LAIR1: variants seen among roughly 807,000 people sequenced by gnomAD.
LAIR1 encodes leukocyte-associated immunoglobulin-like receptor 1.
LAIR1 carries 24 observed loss-of-function variants against 32.8 expected under a neutral mutation model. The observed-to-expected ratio is 0.73, with a 90% CI of 0.53 to 1.03. LAIR1 has a LOEUF of 1.03. Among genes scored for constraint, LAIR1 ranks in the 50% least tolerant of loss-of-function variants. The probability of loss-of-function intolerance (pLI) is 0.00; values close to 1 mark genes in which losing one functional copy is unlikely to be tolerated. For missense variants in LAIR1, 355 were observed against 347.5 expected (o/e 1.02, Z -0.17); for synonymous variants, 150 against 140.5 (o/e 1.07, Z -0.48).
Position 54,355,955 on chromosome 19 carries a change from G to T in LAIR1, c.716C>A (p.Ser239Ter), listed in dbSNP as rs570552453. ...TTAATAACTAGTAGGAAGGCTCACC[G>T]AGGTGTCCGTCTCTCTGTCCTTCTC... Reference protein sequence around the residue: ...LPEKDRETDTSALAAGSSQEV... With the variant: ...LPEKDRETDT Residue 239 changes from serine to a stop codon, truncating the protein, a stop_gained and splice_region_variant, in exon 9 of 10, where the codon TCG becomes TAG. Coordinates refer to ENST00000391742, the MANE Select transcript of LAIR1 (RefSeq NM_002287.6). LOFTEE classifies it low-confidence loss of function (END_TRUNC). This position sits in a 1 kb window ranked among gnomAD's most constrained non-coding sequence, Gnocchi z 4.7. 2 of 1,594,366 alleles carry T rather than the reference G, an allele frequency of 1.3e-6. No homozygotes were observed. The highest frequency in any genetic ancestry group is 1.1e-5 in the South Asian group (1 of 90,768).
chr19:54,372,183 A>T (rs2082421280), upstream of LAIR1, among the ~76,000 whole-genome samples: 1 of 151,614 alleles, frequency 6.6e-6, no homozygotes, highest in Non-Finnish European at 1.5e-5. Flanking sequence ...AGCTATATTT[A>T]GTTTTAGAAG....
At chr19:54,366,314 C>T (rs78271595), upstream of LAIR1, among the ~76,000 whole-genome samples, 2,278 of 152,146 alleles carry the variant, frequency 0.015, 28 homozygotes, top group Non-Finnish European at 0.021. Flanking sequence ...ATGGTTGTGA[C>T]CAAAATGCTG....
chr19:54,362,316 C>A (rs936897486), intron 2 of LAIR1, among the ~76,000 whole-genome samples: 3 of 152,172 alleles, frequency 2.0e-5, no homozygotes, highest in Non-Finnish European at 4.4e-5. Context: ...CAAACCCACC[C>A]ATTTGTTCAT....
At chr19:54,374,897 C>G (rs61737640), upstream of LAIR1, among the ~76,000 whole-genome samples, 845 of 151,880 alleles carry the variant, frequency 5.6e-3, 8 homozygotes, top group African/African-American at 0.019. Context: ...CCACTGTCCT[C>G]AGCCCAGCCC....
chr19:54,375,949 G>A, the LAIR1 span, among the ~76,000 whole-genome samples: 7 of 151,704 alleles, frequency 4.6e-5, no homozygotes, highest in African/African-American at 7.3e-5. Context: ...TGGGTGACAC[G>A]TCCATATGGG....
upstream of LAIR1, chr19:54,368,819 C>T (rs1234811929): frequency 6.6e-6 from 1 of 152,002 alleles, no homozygotes; most frequent in Non-Finnish European, 1.5e-5. Flanking sequence ...TCCTGAGTAG[C>T]TGGGATTACA....
chr19:54,355,492 C>A lies in LAIR1; in HGVS notation c.718-78G>T. On this transcript the variant is annotated intron_variant, in intron 9 of 9. Coordinates refer to ENST00000391742, the MANE Select transcript of LAIR1 (RefSeq NM_002287.6). The surrounding 1 kb of genome is among the most constrained non-coding windows in gnomAD (Gnocchi z 4.7). ...GGGCTGTGGGGAGGGAGGGCTGTGG[C>A]GGCCATCTCCATGGGCCCTGAGGAC... The A allele has an allele frequency of 7.4e-7, 1 of 1,346,086 alleles. No homozygotes were observed. Among genetic ancestry groups the A allele is most frequent in the Admixed American group, 2.4e-5 (1 of 42,280 alleles). 83.4% of individuals were successfully genotyped at this position (1,346,086 alleles called of 1,614,324 possible). A position where few individuals can be genotyped will look rare whatever the true frequency, so the allele number is the denominator to read the frequency against.
At chr19:54,370,657 G>A (rs944786722), upstream of LAIR1, 3 of 207,642 alleles carry the variant, frequency 1.4e-5, no homozygotes, top group East Asian at 1.1e-4. Context: ...CCGCAGGCAC[G>A]GAAATAAACA....
At chr19:54,362,789 T>C (rs1478899831) in intron 2 of LAIR1, among the ~76,000 whole-genome samples, 2 of 152,194 alleles carry the variant, frequency 1.3e-5, no homozygotes, top group East Asian at 1.9e-4. Flanking sequence ...CCCAGCCTCA[T>C]TGGTCATTTT....
chr19:54,361,175 T>C lies in LAIR1; in HGVS notation c.105A>G (p.Pro35=), dbSNP rs761326969. The stretch of plus-strand genomic sequence containing the variant: ...GGCTCCCCAGGGGGATCACGGTGCC[T>C]GGCTCAGCCGAGATGGAGGGTCTGG... ...DLPRPSISAE[P]GTVIPLGSHV... Residue 35 remains proline, a synonymous_variant, in exon 3 of 10, where the codon CCA becomes CCG. Coordinates refer to ENST00000391742, the MANE Select transcript of LAIR1 (RefSeq NM_002287.6). 1 of 1,614,168 alleles carries C rather than the reference T, an allele frequency of 6.2e-7. No individual in the cohort carries two copies. Among genetic ancestry groups the C allele is most frequent in the Non-Finnish European group, 8.5e-7 (1 of 1,180,024 alleles).
At chr19:54,361,379 A>C in intron 2 of LAIR1, 170 bp from the exon 3 acceptor site, 1 of 716,044 alleles carries the variant, frequency 1.4e-6, no homozygotes, top group Non-Finnish European at 2.4e-6. Context: ...TTCTACGTGC[A>C]TGTGATTCTC....
chr19:54,370,569 C>G, upstream of LAIR1: 1 of 334,940 alleles, frequency 3.0e-6, no homozygotes, highest in Non-Finnish European at 5.4e-6. Flanking sequence ...GGGTCAGGAA[C>G]GGAGCAAAAC....
chr19:54,363,470 C>A (rs556957591), intron 2 of LAIR1, among the ~76,000 whole-genome samples: 1 of 152,110 alleles, frequency 6.6e-6, no homozygotes, highest in African/African-American at 2.4e-5. Flanking sequence ...TTGTGGAAAT[C>A]GGTGTGCGGA....
At chr19:54,365,275 G>A (rs2082216595), upstream of LAIR1, among the ~76,000 whole-genome samples, 1 of 152,164 alleles carries the variant, frequency 6.6e-6, no homozygotes, top group Admixed American at 6.5e-5. Flanking sequence ...TGTGATCTAT[G>A]CTAAAATCCC....
chr19:54,373,252 C>T (rs536277212), upstream of LAIR1, among the ~76,000 whole-genome samples: 4 of 151,356 alleles, frequency 2.6e-5, no homozygotes, highest in South Asian at 2.1e-4. Context: ...ACCATCCTGG[C>T]CAACACGGTG....
At chr19:54,361,234 T>A (rs1381210550) in intron 2 of LAIR1, 25 bp from the exon 3 acceptor site, 5 of 1,611,324 alleles carry the variant, frequency 3.1e-6, no homozygotes, top group Non-Finnish European at 4.2e-6. Flanking sequence ...GAGCAGGATC[T>A]CAGCGTCCAC....
At position 54,364,545 on chromosome 19, in the gene LAIR1, C is replaced by T. The variant is rs1334318442; in HGVS notation, c.35-215G>A. On this transcript the variant is annotated intron_variant, in intron 1 of 9. Transcript: ENST00000391742. The surrounding 1 kb of genome is among the most constrained non-coding windows in gnomAD (Gnocchi z 4.8). Reference sequence around the variant, plus strand: ...TCCTCCTCCAAAAAGGCTCCTGCTCCCCCAGCCCTTCTTAAAGCTGACCTC... The same window carrying T: ...TCCTCCTCCAAAAAGGCTCCTGCTCTCCCAGCCCTTCTTAAAGCTGACCTC... The T allele has an allele frequency of 1.3e-6, 1 of 797,942 alleles. No individual in the cohort carries two copies. 49.4% of individuals were successfully genotyped at this position (797,942 alleles called of 1,614,324 possible).
At chr19:54,374,202 T>C (rs745338383), upstream of LAIR1, among the ~76,000 whole-genome samples, 2 of 152,162 alleles carry the variant, frequency 1.3e-5, no homozygotes, top group Non-Finnish European at 2.9e-5. Flanking sequence ...TTGTGACACC[T>C]GATTGATGGA....
At chr19:54,356,104 C>T in intron 8 of LAIR1, 98 bp from the exon 9 acceptor site, 1 of 1,313,184 alleles carries the variant, frequency 7.6e-7, no homozygotes. Context: ...ATCCTGCACC[C>T]AATGTATAAT....
Sources: allele counts gnomAD v4.1 joint callset (sites outside exome capture counted in the v4.1 genomes callset), GRCh38; gene constraint gnomAD v4.1.1; non-coding constraint Gnocchi (gnomAD v3.1); transcripts MANE v1.5; gene names NCBI Gene and HGNC (gene_info 2026-07-23, HGNC 2026-07-21).